The following CD163L1 variants were observed in gnomAD, a reference collection of about 807,000 sequenced individuals.
CD163L1 encodes scavenger receptor cysteine-rich type 1 protein M160.
In CD163L1, 124 loss-of-function variants were observed where a neutral mutation model predicts 165.4. The observed-to-expected ratio is 0.75, with a 90% CI of 0.65 to 0.87. The LOEUF is 0.87. Among genes scored for constraint, CD163L1 ranks in the 40% least tolerant of loss-of-function variants. The pLI is 0.00. For missense variants in CD163L1, 1,525 were observed against 1,799.9 expected, an observed-to-expected ratio of 0.85 and a Z score of 2.76; for synonymous variants, 585 against 662.2, an observed-to-expected ratio of 0.88 and a Z score of 1.79.
intron 4 of CD163L1, among the ~76,000 whole-genome samples, chr12:7,413,909 G>A (rs754719182): frequency 1.3e-5 from 2 of 152,138 alleles, no homozygotes; most frequent in East Asian, 3.9e-4. Flanking sequence ...GGTGGATTAA[G>A]TACACCCATA....
At chr12:7,439,224 C>T in intron 2 of CD163L1, 1 of 1,580,166 alleles carries the variant, frequency 6.3e-7, no homozygotes, top group African/African-American at 1.4e-5. Flanking sequence ...TGGGATTCGA[C>T]AAATTTTCTT....
chr12:7,324,180 A>T, the CD163L1 span: 1 of 1,450,590 alleles, frequency 6.9e-7, no homozygotes, highest in Non-Finnish European at 9.2e-7. Context: ...TTCCTATATA[A>T]GTAGGATGTG....
rs371156224 is a variant in CD163L1 at position 7,421,464 on chromosome 12, C to CATAT, written c.766+10948_766+10951dup. On this transcript the variant is annotated intron_variant, in intron 4 of 19. Transcript: ENST00000313599. ...ACATATACATATATGTACATATATA[C>CATAT]ATATATATACATATATGTACATATA... Among the ~76,000 whole-genome samples the CATAT allele has an allele frequency of 2.6e-4, 20 of 75,486 alleles. 3 individuals are homozygous for CATAT. Among genetic ancestry groups the CATAT allele is most frequent in the African/African-American group, 1.5e-3 (17 of 11,658 alleles). 49.5% of individuals were successfully genotyped at this position (75,486 alleles called of 152,430 possible).
At chr12:7,405,785 A>G (rs1196663041) in intron 5 of CD163L1, among the ~76,000 whole-genome samples, 1 of 152,216 alleles carries the variant, frequency 6.6e-6, no homozygotes, top group Non-Finnish European at 1.5e-5. Flanking sequence ...TGACTCTCAG[A>G]GGAAAATCGT....
At chr12:7,416,301 T>C (rs759400309) in intron 4 of CD163L1, among the ~76,000 whole-genome samples, 34 of 152,328 alleles carry the variant, frequency 2.2e-4, no homozygotes, top group South Asian at 1.9e-3. Context: ...GAATTCCTTG[T>C]AGATTCTGGA....
chr12:7,377,341 C>G (rs1319937808), intron 9 of CD163L1, among the ~76,000 whole-genome samples: 1 of 152,020 alleles, frequency 6.6e-6, no homozygotes, highest in African/African-American at 2.4e-5. Flanking sequence ...TCTATTTTTT[C>G]CTATAGCCTC....
chr12:7,439,985 C>G lies in CD163L1; in HGVS notation c.124+1169G>C, dbSNP rs1001988669. ...ACACTCGCTCCCTCCGCAGCCTGCTCCATCCTAGCAGCTCCGCAAACCGCC... is the reference window on the plus strand; with the variant it reads ...ACACTCGCTCCCTCCGCAGCCTGCTGCATCCTAGCAGCTCCGCAAACCGCC... On this transcript the variant is annotated intron_variant, in intron 2 of 19. Coordinates refer to ENST00000313599, the MANE Select transcript of CD163L1 (RefSeq NM_174941.6). The G allele has an allele frequency of 4.5e-6, 7 of 1,550,750 alleles. No homozygotes were observed. The South Asian group carries it at 7.1e-5, about 16-fold the overall frequency.
chr12:7,339,579 A>G, the CD163L1 span, among the ~76,000 whole-genome samples: 11 of 152,208 alleles, frequency 7.2e-5, no homozygotes, highest in African/African-American at 1.7e-4. Flanking sequence ...AGCTAACCCC[A>G]TGCTCAGTTC....
chr12:7,414,573 TTAG>T (rs1172823266), intron 4 of CD163L1, among the ~76,000 whole-genome samples: 1 of 151,994 alleles, frequency 6.6e-6, no homozygotes, highest in Admixed American at 6.6e-5. Context: ...TTCTCAAATC[TTAG>T]TAGGAAAATG....
At chr12:7,385,174 T>C (rs1403141028) in intron 8 of CD163L1, among the ~76,000 whole-genome samples, 1 of 148,056 alleles carries the variant, frequency 6.8e-6, no homozygotes, top group Admixed American at 6.7e-5. Flanking sequence ...TCCATGTAAA[T>C]GAAAACCAAC....
chr12:7,353,963 A>G (rs1194373926), downstream of CD163L1, among the ~76,000 whole-genome samples: 1 of 152,074 alleles, frequency 6.6e-6, no homozygotes, highest in East Asian at 1.9e-4. Flanking sequence ...CTGCAAACAT[A>G]TTGCAAAGAG....
the CD163L1 span, among the ~76,000 whole-genome samples, chr12:7,331,542 C>T: frequency 6.6e-5 from 10 of 152,292 alleles, no homozygotes; most frequent in East Asian, 9.7e-4. Flanking sequence ...CCAGTAGGGG[C>T]GGACTGACAC....
At chr12:7,319,629 G>A in the CD163L1 span, among the ~76,000 whole-genome samples, 127 of 149,794 alleles carry the variant, frequency 8.5e-4, no homozygotes, top group African/African-American at 3.0e-3. Context: ...ATGAAGCTTC[G>A]CTCACCTTGC....
At chr12:7,428,057 G>C (rs1948573484) in intron 4 of CD163L1, among the ~76,000 whole-genome samples, 1 of 152,022 alleles carries the variant, frequency 6.6e-6, no homozygotes, top group South Asian at 2.1e-4. Context: ...AAATCCTGCT[G>C]AATCAGATAA....
At chr12:7,319,958 T>C in the CD163L1 span, among the ~76,000 whole-genome samples, 1 of 152,226 alleles carries the variant, frequency 6.6e-6, no homozygotes, top group African/African-American at 2.4e-5. Flanking sequence ...TAAAAATAAT[T>C]AGACTCTGCG....
the CD163L1 span, among the ~76,000 whole-genome samples, chr12:7,333,460 A>G: frequency 6.6e-6 from 1 of 152,198 alleles, no homozygotes; most frequent in Admixed American, 6.5e-5. Context: ...AAGACACAAC[A>G]TACCAGAATC....
In CD163L1 at chr12:7,421,021, A is replaced by G. The variant is rs1254757361; in HGVS notation, c.766+11395T>C. 1.2e-3 allele frequency among the ~76,000 whole-genome samples: 97 copies of G among 77,828 alleles called. 2 individuals carry two copies. The highest frequency in any genetic ancestry group is 4.5e-3 in the African/African-American group (61 of 13,604). 51.1% of individuals were successfully genotyped at this position (77,828 alleles called of 152,430 possible). On this transcript the variant is annotated intron_variant, in intron 4 of 19. Transcript: ENST00000313599. ...CATATATATATATACGTGTATATAT[A>G]TACATATATATATACGTGTATATAT...
intron 8 of CD163L1, among the ~76,000 whole-genome samples, chr12:7,380,335 A>ATACATGTATGTGTGTATACG (rs1565784163): frequency 1.8e-5 from 2 of 112,386 alleles, no homozygotes; most frequent in South Asian, 3.0e-4. Context: ...GTATGTATAC[A>ATACATGTATGTGTGTATACG]CGTATACATA....
chr12:7,388,754 A>C (rs1180581733), intron 8 of CD163L1, among the ~76,000 whole-genome samples: 32 of 151,342 alleles, frequency 2.1e-4, no homozygotes, highest in Non-Finnish European at 4.3e-4. Context: ...AAAAAAAAAA[A>C]AAAACAAAGT....
Sources: allele counts gnomAD v4.1 joint callset (sites outside exome capture counted in the v4.1 genomes callset), GRCh38; gene constraint gnomAD v4.1.1; transcripts MANE v1.5; gene names NCBI Gene and HGNC (gene_info 2026-07-23, HGNC 2026-07-21).